BMPR1B: variants seen among roughly 807,000 people sequenced by gnomAD.
BMPR1B encodes the protein bone morphogenetic protein receptor type 1B.
A neutral mutation model predicts 59.1 loss-of-function variants in BMPR1B; 12 were observed. The ratio of observed to expected loss-of-function variants is 0.20; its 90% CI spans 0.13 to 0.33. The LOEUF (loss-of-function observed/expected upper bound fraction) is 0.33, where lower values mean the gene tolerates loss of function less well. BMPR1B is among the 10% of genes least tolerant of loss of function. The pLI, the probability that BMPR1B is intolerant of heterozygous loss-of-function variation, is 1.00. For synonymous variants in BMPR1B, 237 were observed against 207.3 expected (o/e 1.14, Z -1.23); for missense variants, 550 against 610.9 (o/e 0.90, Z 1.05).
intron 2 of BMPR1B, among the ~76,000 whole-genome samples, chr4:94,958,563 C>T (rs745477073): frequency 3.3e-5 from 5 of 152,078 alleles, no homozygotes; most frequent in South Asian, 2.1e-4. Flanking sequence ...CTTATAAGAA[C>T]GCCAGTCATG....
intron 1 of BMPR1B, among the ~76,000 whole-genome samples, chr4:94,868,031 T>G (rs1034739772): frequency 2.0e-5 from 3 of 151,666 alleles, no homozygotes; most frequent in Non-Finnish European, 4.4e-5. Context: ...TTTTTTTTTT[T>G]TTTGTATTTT....
intron 1 of BMPR1B, among the ~76,000 whole-genome samples, chr4:94,854,471 A>G (rs1725679849): frequency 6.6e-6 from 1 of 152,178 alleles, no homozygotes; most frequent in Non-Finnish European, 1.5e-5. Flanking sequence ...TTGTGGATGC[A>G]AGTTTTTGAT....
At chr4:95,142,741 T>G (rs1434540) in intron 10 of BMPR1B, among the ~76,000 whole-genome samples, 15,715 of 151,652 alleles carry the variant, frequency 0.1, 1,997 homozygotes, top group African/African-American at 0.3. Flanking sequence ...GCTTAGGACT[T>G]TCATGAGACT....
chr4:94,922,427 C>T (rs1373366955), intron 2 of BMPR1B, among the ~76,000 whole-genome samples: 1 of 152,044 alleles, frequency 6.6e-6, no homozygotes, highest in Non-Finnish European at 1.5e-5. Context: ...TAAAGCAAAC[C>T]ACAAATAAAA....
intron 1 of BMPR1B, among the ~76,000 whole-genome samples, chr4:94,842,500 A>G (rs1358466538): frequency 3.3e-5 from 5 of 152,172 alleles, no homozygotes; most frequent in Admixed American, 1.3e-4. Flanking sequence ...AAGTACATAC[A>G]GTCTTTGGGA....
intron 2 of BMPR1B, among the ~76,000 whole-genome samples, chr4:94,926,572 C>T (rs1728898122): frequency 6.6e-6 from 1 of 152,088 alleles, no homozygotes; most frequent in Non-Finnish European, 1.5e-5. Context: ...TCACAAACAC[C>T]TTGTTAAATT....
chr4:95,157,908 T>A lies in BMPR1B; in HGVS notation c.*3235T>A, dbSNP rs1274961088. The A allele has an allele frequency of 6.6e-6, 1 of 152,158 alleles. No homozygotes were observed. The highest frequency in any genetic ancestry group is 1.5e-5 in the Non-Finnish European group (1 of 68,016). The allele number at this position is 152,158 out of a possible 1,614,324, so 9.4% of individuals were successfully genotyped here. On this transcript the variant is annotated 3_prime_UTR_variant, in exon 13 of 13. Transcript: ENST00000515059. ...CTTAGAAAACATGCTGAGATTTTAT[T>A]TACAGGGAATTCTTTGACACATTTC... is the stretch of plus-strand genomic sequence containing the variant.
chr4:94,775,007 C>T (rs1266512259), intron 1 of BMPR1B, among the ~76,000 whole-genome samples: 3 of 151,740 alleles, frequency 2.0e-5, no homozygotes, highest in African/African-American at 4.8e-5. Context: ...TTCTGGGACA[C>T]GAAAAAGGAA....
rs567959006 is a variant in BMPR1B at position 95,130,540 on chromosome 4, A to G, written c.778+486A>G. Among the ~76,000 whole-genome samples the G allele has an allele frequency of 6.8e-4, 103 of 152,136 alleles. No individual in the cohort carries two copies. In the South Asian group the frequency reaches 0.013, roughly 20 times the overall value. ...ATATTCCTTAATTCAAGAATTCAAG[A>G]CCCTGTTTTGCAATGTCTTATGTGT... On this transcript the variant is annotated intron_variant, in intron 9 of 12. Transcript: ENST00000515059.
In BMPR1B at chr4:95,024,673, T is replaced by C. The variant is rs192709684; in HGVS notation, c.-18+28539T>C. 2.0e-5 allele frequency among the ~76,000 whole-genome samples: 3 copies of C among 152,268 alleles called. No individual in the cohort carries two copies. In the East Asian group the frequency reaches 5.8e-4, roughly 29 times the overall value. On this transcript the variant is annotated intron_variant, in intron 3 of 12. Transcript: ENST00000515059. The stretch of plus-strand genomic sequence containing the variant: ...AGTACCCATCCCTGGAGTGTTGATA[T>C]ATAGAAGACAGACAATAAATACAAA...
intron 1 of BMPR1B, among the ~76,000 whole-genome samples, chr4:94,870,364 TTCTC>T (rs1474079954): frequency 7.2e-6 from 1 of 139,806 alleles, no homozygotes; most frequent in African/African-American, 3.2e-5. Flanking sequence ...TGACTTCCCT[TTCTC>T]TCTACTTCCT....
Position 94,770,180 on chromosome 4 carries a change from G to GTT in BMPR1B, c.-183+12113_-183+12114insTT, listed in dbSNP as rs1553903537. Among the ~76,000 whole-genome samples, 76 of 106,250 alleles carry GTT rather than the reference G, an allele frequency of 7.2e-4. 6 individuals carry two copies. Among genetic ancestry groups the GTT allele is most frequent in the African/African-American group, 2.9e-3 (71 of 24,184 alleles). 69.7% of individuals were successfully genotyped at this position (106,250 alleles called of 152,430 possible). On this transcript the variant is annotated intron_variant, in intron 1 of 12. Coordinates refer to ENST00000515059, the MANE Select transcript of BMPR1B (RefSeq NM_001203.3). Reference sequence around the variant, plus strand: ...TTTGTTTGAATTGTCCTTCGTTTCTGTGTTTGTTTTTTTTTTTTTTTTTTG... The same window carrying GTT: ...TTTGTTTGAATTGTCCTTCGTTTCTGTTTGTTTGTTTTTTTTTTTTTTTTTTG...
At chr4:94,846,858 C>A (rs916736122) in intron 1 of BMPR1B, among the ~76,000 whole-genome samples, 17 of 147,214 alleles carry the variant, frequency 1.2e-4, no homozygotes, top group Admixed American at 2.7e-4. Flanking sequence ...AAAAAAAAAA[C>A]GTTGGGGAAA....
chr4:95,124,853 A>G (rs1463489214), intron 7 of BMPR1B, 130 bp from the exon 8 acceptor site: 2 of 848,842 alleles, frequency 2.4e-6, no homozygotes, highest in Admixed American at 5.3e-5. Flanking sequence ...AAGAGTAAAA[A>G]ATATGAAGCA....
chr4:94,989,143 C>G lies in BMPR1B; in HGVS notation c.-112-6897C>G, dbSNP rs1721583674. 2.0e-5 allele frequency among the ~76,000 whole-genome samples: 3 copies of G among 152,086 alleles called. No homozygotes were observed. The South Asian group carries it at 6.2e-4, about 32-fold the overall frequency. On this transcript the variant is annotated intron_variant, in intron 2 of 12. Transcript: ENST00000515059. ...CGATGGCTCACGCCTATAATCCCAG[C>G]ACTTTGGGAGGCTGAGGCTGGTGGA...
At chr4:94,804,981 T>G (rs1723551613) in intron 1 of BMPR1B, among the ~76,000 whole-genome samples, 1 of 152,190 alleles carries the variant, frequency 6.6e-6, no homozygotes, top group South Asian at 2.1e-4. Context: ...TAGACAGAAA[T>G]AGCCAGGATG....
chr4:95,125,781 C>T (rs767346821), intron 8 of BMPR1B, among the ~76,000 whole-genome samples: 2 of 152,080 alleles, frequency 1.3e-5, no homozygotes, highest in African/African-American at 2.4e-5. Context: ...CTGTGGAGTT[C>T]TTTCTCCAAA....
chr4:95,070,324 A>G (rs1728183598), intron 3 of BMPR1B, among the ~76,000 whole-genome samples: 1 of 152,072 alleles, frequency 6.6e-6, no homozygotes, highest in Non-Finnish European at 1.5e-5. Context: ...AAAATGATTG[A>G]GTTGTTGATG....
intron 2 of BMPR1B, among the ~76,000 whole-genome samples, chr4:94,960,992 G>A (rs1730330888): frequency 6.6e-6 from 1 of 152,100 alleles, no homozygotes; most frequent in African/African-American, 2.4e-5. Context: ...ACATGTTAAG[G>A]CTGGTGAAAT....
Sources: allele counts gnomAD v4.1 joint callset (sites outside exome capture counted in the v4.1 genomes callset), GRCh38; gene constraint gnomAD v4.1.1; transcripts MANE v1.5; gene names NCBI Gene and HGNC (gene_info 2026-07-23, HGNC 2026-07-21).